DSCAML1: variants seen among roughly 807,000 people sequenced by gnomAD.
The protein encoded by DSCAML1 is DS cell adhesion molecule like 1, also known as cell adhesion molecule DSCAML1.
Under a neutral mutation model 200.5 loss-of-function variants are expected in DSCAML1, and 38 were observed. That is an observed-to-expected ratio of 0.19 (90% CI 0.15 to 0.25). The LOEUF (loss-of-function observed/expected upper bound fraction) is 0.25, where lower values mean the gene tolerates loss of function less well. Ranked by LOEUF, DSCAML1 falls within the 10% of genes least tolerant of loss-of-function variation. The pLI is 1.00. For synonymous variants in DSCAML1, 1,215 were observed against 1,165.0 expected (o/e 1.04, Z -0.87); for missense variants, 2,223 against 2,858.8 (o/e 0.78, Z 5.07).
At chr11:117,703,459 G>C (rs953320674) in intron 3 of DSCAML1, among the ~76,000 whole-genome samples, 2 of 152,128 alleles carry the variant, frequency 1.3e-5, no homozygotes, top group Non-Finnish European at 2.9e-5. Context: ...CTCACCACAT[G>C]TGGCAAATAT....
intron 11 of DSCAML1, among the ~76,000 whole-genome samples, chr11:117,497,029 A>T (rs1286416272): frequency 6.6e-6 from 1 of 152,118 alleles, no homozygotes; most frequent in Admixed American, 6.5e-5. Context: ...CATCTTTCCT[A>T]TAGCTCCCTG....
intron 18 of DSCAML1, among the ~76,000 whole-genome samples, chr11:117,461,227 T>C (rs1261322331): frequency 6.8e-6 from 1 of 147,766 alleles, no homozygotes; most frequent in Non-Finnish European, 1.5e-5. Context: ...CTGACCCCAG[T>C]TGAACACGGA....
At chr11:117,431,183 G>A (rs1565670407) in intron 31 of DSCAML1, 150 bp from the exon 32 acceptor site, 1 of 754,556 alleles carries the variant, frequency 1.3e-6, no homozygotes, top group Non-Finnish European at 2.1e-6. Flanking sequence ...AGGTGGCAGT[G>A]GTGGCAGAAG....
At chr11:117,786,505 C>T (rs755945624) in intron 1 of DSCAML1, among the ~76,000 whole-genome samples, 9 of 152,280 alleles carry the variant, frequency 5.9e-5, no homozygotes, top group Non-Finnish European at 8.8e-5. Context: ...CGCCCTCCAC[C>T]GCTTGCTTGG....
intron 3 of DSCAML1, among the ~76,000 whole-genome samples, chr11:117,762,022 C>T (rs2054813048): frequency 6.6e-6 from 1 of 152,144 alleles, no homozygotes; most frequent in South Asian, 2.1e-4. Context: ...GCACATTCCA[C>T]ACAACAACCA....
rs775325584 is a variant in DSCAML1 at position 117,437,109 on chromosome 11, C to T, written c.4720+13G>A. ...CCAGCCTCTGTACCATCCCTTCCAC[C>T]CTTGCGACTCACTGCCATCGTAGTC... On this transcript the variant is annotated intron_variant, in intron 26 of 32. Coordinates refer to ENST00000651296, the MANE Select transcript of DSCAML1 (RefSeq NM_020693.4). The surrounding 1 kb of genome is among the most constrained non-coding windows in gnomAD (Gnocchi z 5.3). 6.2e-7 allele frequency: 1 copy of T among 1,607,966 alleles called. No individual in the cohort carries two copies. The highest frequency in any genetic ancestry group is 1.3e-5 in the African/African-American group (1 of 74,890).
At chr11:117,573,446 C>A (rs975748312) in intron 3 of DSCAML1, among the ~76,000 whole-genome samples, 1 of 152,222 alleles carries the variant, frequency 6.6e-6, no homozygotes, top group African/African-American at 2.4e-5. Context: ...CTCTTCCATT[C>A]AGAACCTTCC....
In DSCAML1 at chr11:117,516,628, T is replaced by G; in HGVS notation, c.1622A>C (p.Asp541Ala). 1 of 1,614,120 alleles carries G rather than the reference T, an allele frequency of 6.2e-7. No homozygotes were observed. The highest frequency in any genetic ancestry group is 8.5e-7 in the Non-Finnish European group (1 of 1,180,010). Residue 541 changes from aspartate (D) to alanine (A), a missense_variant, in exon 8 of 33, where the codon GAT (aspartate) becomes GCT (alanine). Transcript: ENST00000651296. This position sits in a 1 kb window ranked among gnomAD's most constrained non-coding sequence, Gnocchi z 5.7. ...GTGGTTGTCTGGCAGCAGCAGGGCA[T>G]CCTTGTACCACTTGATGGAGTAGTA... ...YPYYSIKWYK[D>A]ALLLPDNHRQ... is the part of the protein sequence containing the mutation.
rs58257943 is a variant in DSCAML1, at chr11:117,649,041, A to ATG, written c.512-116521_512-116520dup. On this transcript the variant is annotated intron_variant, in intron 3 of 32. Coordinates refer to ENST00000651296, the MANE Select transcript of DSCAML1 (RefSeq NM_020693.4). ...TCTCGCTCTCTCTCTCTCCATATATATGTGTGTGTGTGTGTGTGTGTGTGT... is the reference window on the plus strand; with the variant it reads ...TCTCGCTCTCTCTCTCTCCATATATATGTGTGTGTGTGTGTGTGTGTGTGTGT... 9.4e-3 allele frequency among the ~76,000 whole-genome samples: 1,300 copies of ATG among 137,874 alleles called. 23 individuals are homozygous for ATG. Among genetic ancestry groups the ATG allele is most frequent in the South Asian group, 0.046 (198 of 4,268 alleles). 90.5% of individuals were successfully genotyped at this position (137,874 alleles called of 152,430 possible).
chr11:117,613,421 T>C (rs1034849680), intron 3 of DSCAML1, among the ~76,000 whole-genome samples: 7 of 151,916 alleles, frequency 4.6e-5, no homozygotes, highest in African/African-American at 1.7e-4. Context: ...AGGGGGGCCT[T>C]GAGGAATAAT....
At chr11:117,470,887 T>C (rs1201545466) in intron 15 of DSCAML1, among the ~76,000 whole-genome samples, 3 of 152,172 alleles carry the variant, frequency 2.0e-5, no homozygotes, top group Non-Finnish European at 2.9e-5. Flanking sequence ...CACGGAAGAA[T>C]AGATGAAGTA....
intron 3 of DSCAML1, among the ~76,000 whole-genome samples, chr11:117,564,489 G>A (rs1342325226): frequency 6.6e-6 from 1 of 152,148 alleles, no homozygotes; most frequent in Non-Finnish European, 1.5e-5. Context: ...TCCTGCTGCA[G>A]CTGCTCTGGC....
At chr11:117,621,429 C>T (rs904687023) in intron 3 of DSCAML1, among the ~76,000 whole-genome samples, 1 of 152,164 alleles carries the variant, frequency 6.6e-6, no homozygotes, top group African/African-American at 2.4e-5. Flanking sequence ...TGACACCTAT[C>T]TGTGAAGTCT....
rs1387467201 is a variant in DSCAML1, at chr11:117,458,872, C to T, written c.3450G>A (p.Glu1150=). Residue 1150 remains glutamate, a synonymous_variant, in exon 19 of 33, where the codon GAG becomes GAA. Transcript: ENST00000651296. ...GEMQNITTTR[E]RVELRGMEKF... is the part of the protein sequence containing the mutation. ...TCTCCATGCCCCGCAGCTCCACCCG[C>T]TCCCGCGTGGTGGTGATGTTCTGCA... 1.2e-6 allele frequency: 2 copies of T among 1,613,950 alleles called. No homozygotes were observed. The highest frequency in any genetic ancestry group is 1.3e-5 in the African/African-American group (1 of 74,936).
chr11:117,624,499 G>T (rs1239626204), intron 3 of DSCAML1, among the ~76,000 whole-genome samples: 1 of 152,164 alleles, frequency 6.6e-6, no homozygotes, highest in Non-Finnish European at 1.5e-5. Flanking sequence ...GGTGCACTTG[G>T]ATTTGGCCCT....
At chr11:117,461,400 T>TACGCAGAAGA (rs1265405268) in intron 18 of DSCAML1, 50 bp downstream of exon 18, 2 of 1,612,330 alleles carry the variant, frequency 1.2e-6, no homozygotes, top group East Asian at 4.5e-5. Flanking sequence ...CAGACTCCAC[T>TACGCAGAAGA]GACCTGCGCC....
chr11:117,726,268 T>TGC (rs1555202765), intron 3 of DSCAML1, among the ~76,000 whole-genome samples: 188 of 141,832 alleles, frequency 1.3e-3, no homozygotes, highest in Middle Eastern at 3.5e-3. Context: ...TGTGTGTGCG[T>TGC]GTGTGTGTGT....
At chr11:117,755,919 C>G (rs1254580521) in intron 3 of DSCAML1, among the ~76,000 whole-genome samples, 2 of 152,148 alleles carry the variant, frequency 1.3e-5, no homozygotes, top group Non-Finnish European at 1.5e-5. Context: ...CCACTACCAT[C>G]AGCAGCAGAG....
chr11:117,460,954 G>A (rs1281909447), intron 18 of DSCAML1, among the ~76,000 whole-genome samples: 1 of 151,914 alleles, frequency 6.6e-6, no homozygotes, highest in Non-Finnish European at 1.5e-5. Flanking sequence ...GCTGGTCCCA[G>A]GTGCCCACCT....
Sources: gnomAD v4.1 joint callset for allele counts (sites outside exome capture counted in the v4.1 genomes callset) on GRCh38, gnomAD v4.1.1 for gene constraint, Gnocchi (gnomAD v3.1) non-coding constraint, MANE v1.5 for transcripts, NCBI Gene and HGNC (gene_info 2026-07-23, HGNC 2026-07-21) for gene names.